Variants in PLPP4 observed in about 807,000 individuals in gnomAD.
The protein encoded by PLPP4 is diacylglycerol pyrophosphate like 2.
In PLPP4, 20 loss-of-function variants were observed where a neutral mutation model predicts 32.2. The observed-to-expected ratio is 0.62, with a 90% CI of 0.44 to 0.90. The LOEUF is 0.90. PLPP4 is among the 40% of genes least tolerant of loss of function. The pLI is 0.00. For missense variants in PLPP4, 257 were observed against 353.1 expected, an observed-to-expected ratio of 0.73 and a Z score of 2.18; for synonymous variants, 127 against 133.0, an observed-to-expected ratio of 0.95 and a Z score of 0.31.
chr10:120,492,334 C>T (rs559080281), intron 1 of PLPP4, among the ~76,000 whole-genome samples: 1 of 152,374 alleles, frequency 6.6e-6, no homozygotes, highest in East Asian at 1.9e-4. Flanking sequence ...ATTTGGACTT[C>T]TGGGGTGATG....
At chr10:120,528,226 C>A (rs1049938049) in intron 5 of PLPP4, among the ~76,000 whole-genome samples, 1 of 152,106 alleles carries the variant, frequency 6.6e-6, no homozygotes, top group African/African-American at 2.4e-5. Flanking sequence ...AGGCGCCTGC[C>A]ACCATGCTCG....
chr10:120,567,475 G>A (rs1848743194), intron 5 of PLPP4, among the ~76,000 whole-genome samples: 1 of 152,202 alleles, frequency 6.6e-6, no homozygotes, highest in Non-Finnish European at 1.5e-5. Flanking sequence ...TGTTGAGGGG[G>A]ACACCACACT....
intron 5 of PLPP4, among the ~76,000 whole-genome samples, chr10:120,567,357 T>C (rs939318387): frequency 2.6e-5 from 4 of 152,222 alleles, no homozygotes; most frequent in Non-Finnish European, 5.9e-5. Context: ...ATAACACCTT[T>C]TATTTGTATG....
intron 3 of PLPP4, among the ~76,000 whole-genome samples, chr10:120,517,524 A>G (rs572200668): frequency 1.3e-5 from 2 of 152,248 alleles, no homozygotes; most frequent in African/African-American, 4.8e-5. Context: ...CCCCCATTGC[A>G]TGCTCAGTGT....
At chr10:120,512,860 C>G (rs1845787302) in intron 2 of PLPP4, among the ~76,000 whole-genome samples, 1 of 152,030 alleles carries the variant, frequency 6.6e-6, no homozygotes, top group South Asian at 2.1e-4. Flanking sequence ...CCAGCCATGC[C>G]TTAGTTCCAT....
intron 5 of PLPP4, among the ~76,000 whole-genome samples, chr10:120,526,800 C>G (rs1846412513): frequency 6.6e-6 from 1 of 152,190 alleles, no homozygotes; most frequent in Admixed American, 6.5e-5. Flanking sequence ...TTGCCTGTTT[C>G]TAGCCCCATA....
intron 1 of PLPP4, among the ~76,000 whole-genome samples, chr10:120,484,312 G>C (rs1323643281): frequency 6.6e-6 from 1 of 152,188 alleles, no homozygotes; most frequent in African/African-American, 2.4e-5. Context: ...GTGTATGGCT[G>C]TCTTAGTCTG....
chr10:120,498,207 A>G (rs1456071989), intron 1 of PLPP4, among the ~76,000 whole-genome samples: 1 of 152,204 alleles, frequency 6.6e-6, no homozygotes, highest in Admixed American at 6.5e-5. Context: ...ATGTAGTAAC[A>G]TTTGACCTAC....
chr10:120,464,270 A>G (rs1386917072), intron 1 of PLPP4, among the ~76,000 whole-genome samples: 6 of 152,216 alleles, frequency 3.9e-5, no homozygotes, highest in Admixed American at 3.9e-4. Flanking sequence ...AACCATATTA[A>G]GCATATTTTG....
chr10:120,567,359 A>G (rs1277675163), intron 5 of PLPP4, among the ~76,000 whole-genome samples: 1 of 152,156 alleles, frequency 6.6e-6, no homozygotes, highest in Non-Finnish European at 1.5e-5. Flanking sequence ...AACACCTTTT[A>G]TTTGTATGTT....
chr10:120,487,400 T>C (rs114845183), intron 1 of PLPP4, among the ~76,000 whole-genome samples: 1,596 of 152,352 alleles, frequency 0.01, 31 homozygotes, highest in African/African-American at 0.037. Context: ...ATCGTTCTGA[T>C]TGGTAACATT....
chr10:120,503,488 G>A (rs757311514), intron 1 of PLPP4: 8 of 1,529,128 alleles, frequency 5.2e-6, no homozygotes, highest in Non-Finnish European at 7.1e-6. Flanking sequence ...CCATGCTGCT[G>A]CCCTGGCCTT....
chr10:120,497,459 G>A (rs944929325), intron 1 of PLPP4, among the ~76,000 whole-genome samples: 2 of 151,514 alleles, frequency 1.3e-5, no homozygotes, highest in African/African-American at 4.9e-5. Flanking sequence ...ATGTGTGTGG[G>A]GTGTGTGTGT....
intron 1 of PLPP4, among the ~76,000 whole-genome samples, chr10:120,457,814 G>C (rs902472170): frequency 3.9e-5 from 6 of 152,012 alleles, no homozygotes; most frequent in Non-Finnish European, 8.8e-5. Flanking sequence ...CGTGTCCCTG[G>C]CTTTAGCGCC....
chr10:120,550,085 C>A (rs1334689384), intron 5 of PLPP4, among the ~76,000 whole-genome samples: 1 of 151,848 alleles, frequency 6.6e-6, no homozygotes, highest in Non-Finnish European at 1.5e-5. Flanking sequence ...GTCCTAAGAT[C>A]TACAAAATGT....
chr10:120,580,816 T>C, intron 6 of PLPP4: 1 of 1,187,310 alleles, frequency 8.4e-7, no homozygotes, highest in Non-Finnish European at 1.1e-6. Context: ...CTGCCAGCCC[T>C]GGGTAGAACA....
chr10:120,488,313 G>GT (rs1171582860), intron 1 of PLPP4, among the ~76,000 whole-genome samples: 1 of 152,214 alleles, frequency 6.6e-6, no homozygotes, highest in African/African-American at 2.4e-5. Flanking sequence ...GAATGAATGA[G>GT]TGAGTGAATG....
chr10:120,559,080 A>G (rs907145775), intron 5 of PLPP4, among the ~76,000 whole-genome samples: 1 of 152,208 alleles, frequency 6.6e-6, no homozygotes, highest in Non-Finnish European at 1.5e-5. Flanking sequence ...TAGTTGTGAT[A>G]TGTATTTTCC....
At chr10:120,552,405 A>T (rs1205203860) in intron 5 of PLPP4, among the ~76,000 whole-genome samples, 1 of 152,192 alleles carries the variant, frequency 6.6e-6, no homozygotes, top group Admixed American at 6.5e-5. Context: ...AGCCAAAATC[A>T]GGGTGGTATA....
Sources: allele counts gnomAD v4.1 joint callset (sites outside exome capture counted in the v4.1 genomes callset), GRCh38; gene constraint gnomAD v4.1.1; transcripts MANE v1.5; gene names NCBI Gene and HGNC (gene_info 2026-07-23, HGNC 2026-07-21).